CFAP61: variants seen among roughly 807,000 people sequenced by gnomAD.
CFAP61 encodes the protein cilia and flagella associated protein 61.
A neutral mutation model predicts 135.6 loss-of-function variants in CFAP61; 107 were observed. The observed-to-expected ratio is 0.79, with a 90% CI of 0.67 to 0.93. The LOEUF (loss-of-function observed/expected upper bound fraction) is 0.93, where lower values mean the gene tolerates loss of function less well. Among genes scored for constraint, CFAP61 ranks in the 40% least tolerant of loss-of-function variants. The pLI is 0.00. For synonymous variants in CFAP61, 575 were observed against 578.5 expected (o/e 0.99, Z 0.09); for missense variants, 1,507 against 1,556.2 (o/e 0.97, Z 0.53).
intron 17 of CFAP61, among the ~76,000 whole-genome samples, chr20:20,200,238 T>G (rs1013977195): frequency 3.3e-5 from 5 of 152,224 alleles, no homozygotes; most frequent in African/African-American, 1.2e-4. Context: ...GATTCCCCCT[T>G]TCAATGATGT....
At chr20:20,184,270 C>T (rs2055338275) in intron 13 of CFAP61, among the ~76,000 whole-genome samples, 1 of 152,168 alleles carries the variant, frequency 6.6e-6, no homozygotes, top group African/African-American at 2.4e-5. Flanking sequence ...GGGAAGCTCT[C>T]TGGCTATCTC....
At position 20,336,997 on chromosome 20, in the gene CFAP61, G is replaced by T. The variant is rs185715620; in HGVS notation, c.3423-4834G>T. Among the ~76,000 whole-genome samples, 5 of 152,322 alleles carry T rather than the reference G, an allele frequency of 3.3e-5. No homozygotes were observed. The East Asian group carries it at 9.6e-4, about 29-fold the overall frequency. On this transcript the variant is annotated intron_variant, in intron 25 of 26. Transcript: ENST00000245957. ...TGACACAGGCGTGAGGGCCATATTC[G>T]ATTCATGGCAAAGAATTGAACCCTA...
At chr20:20,213,648 T>C (rs2047827083) in intron 17 of CFAP61, among the ~76,000 whole-genome samples, 1 of 152,176 alleles carries the variant, frequency 6.6e-6, no homozygotes, top group African/African-American at 2.4e-5. Flanking sequence ...TTTAATATGC[T>C]CAAGAATAAG....
intron 20 of CFAP61, among the ~76,000 whole-genome samples, chr20:20,253,049 CCT>C (rs1285784969): frequency 6.6e-6 from 1 of 152,212 alleles, no homozygotes; most frequent in Non-Finnish European, 1.5e-5. Flanking sequence ...TAGAATAGCA[CCT>C]CTCAAACTGC....
chr20:20,235,440 C>T (rs1333878191), intron 18 of CFAP61, among the ~76,000 whole-genome samples: 4 of 152,186 alleles, frequency 2.6e-5, no homozygotes, highest in Non-Finnish European at 5.9e-5. Context: ...TCAGGCCCAG[C>T]AATGTGTGTC....
intron 18 of CFAP61, among the ~76,000 whole-genome samples, chr20:20,231,001 G>A (rs1250976669): frequency 6.6e-6 from 1 of 152,208 alleles, no homozygotes; most frequent in Non-Finnish European, 1.5e-5. Flanking sequence ...ACACAACTTT[G>A]TTCTTGTATT....
chr20:20,085,274 A>G lies in CFAP61; in HGVS notation c.567-5570A>G, dbSNP rs530177068. 5.1e-6 allele frequency: 5 copies of G among 985,336 alleles called. No homozygotes were observed. The African/African-American group carries it at 7.0e-5, about 14-fold the overall frequency. The allele number at this position is 985,336 out of a possible 1,614,324, so 61.0% of individuals were successfully genotyped here. On this transcript the variant is annotated intron_variant, in intron 6 of 26. Transcript: ENST00000245957. ...TCACGTTGAAACATTTGACTGCATG[A>G]GTTGTTTTCCATAGCTGGGGTGTTT...
rs184857121 is a variant in CFAP61 at position 20,125,716 on chromosome 20, T to A, written c.860-17141T>A. Reference sequence around the variant, plus strand: ...TAGTTGTTGGATGAAATGTTCTGTATGTATCTGTTAAGTCCATTTGTTCTA... The same window carrying A: ...TAGTTGTTGGATGAAATGTTCTGTAAGTATCTGTTAAGTCCATTTGTTCTA... On this transcript the variant is annotated intron_variant, in intron 8 of 26. Coordinates refer to ENST00000245957, the MANE Select transcript of CFAP61 (RefSeq NM_015585.4). Among the ~76,000 whole-genome samples, 110 of 152,016 alleles carry A rather than the reference T, an allele frequency of 7.2e-4. 7 individuals carry two copies. Among genetic ancestry groups the A allele is most frequent in the African/African-American group, 2.5e-3 (104 of 41,278 alleles).
chr20:20,284,299 ATTTTG>A (rs879506900), intron 22 of CFAP61, among the ~76,000 whole-genome samples: 5,120 of 19,146 alleles, frequency 0.27, 157 homozygotes, highest in Middle Eastern at 0.38. Context: ...ATTTTATTTT[ATTTTG>A]AGATGGAGTC....
intron 20 of CFAP61, chr20:20,253,237 CTTCCTTCCTTCTTTCT>C (rs2051143411): frequency 6.9e-6 from 1 of 144,384 alleles, no homozygotes; most frequent in Non-Finnish European, 1.5e-5. Flanking sequence ...TCTGTCCTTC[CTTCCTTCCTTCTTTCT>C]TTCCTTCCTT....
chr20:20,139,448 C>T lies in CFAP61; in HGVS notation c.860-3409C>T, dbSNP rs1416402632. On this transcript the variant is annotated intron_variant, in intron 8 of 26. Coordinates refer to ENST00000245957, the MANE Select transcript of CFAP61 (RefSeq NM_015585.4). ...AGAGTAAACCAATAGTTCATGACTT[C>T]TAAACTACTTAGATGGTATAAGCCA... Among the ~76,000 whole-genome samples, 3 of 152,230 alleles carry T rather than the reference C, an allele frequency of 2.0e-5. No individual in the cohort carries two copies. The South Asian group carries it at 6.2e-4, about 31-fold the overall frequency.
rs2043809611 is a variant in CFAP61, at chr20:20,052,593, TGGG to T, written c.-37+3_-37+5del. On this transcript the variant is annotated splice_donor_5th_base_variant and intron_variant, in intron 1 of 26. Transcript: ENST00000245957. ...CGGCGTCCTGGAGCTGCGGATGAGGTGGGTAACGCCGTGCTGACTAGCAGCGAC... is the reference window on the plus strand; with the variant it reads ...CGGCGTCCTGGAGCTGCGGATGAGGTTAACGCCGTGCTGACTAGCAGCGAC... 6.2e-7 allele frequency: 1 copy of T among 1,613,658 alleles called. No homozygotes were observed. Among genetic ancestry groups the T allele is most frequent in the Admixed American group, 1.7e-5 (1 of 59,984 alleles).
rs116380418 is a variant in CFAP61 at position 20,075,266 on chromosome 20, G to A, written c.439+10G>A. On this transcript the variant is annotated intron_variant, in intron 5 of 26. Transcript: ENST00000245957. ...TCCTACATGAGCCTAGGTAAGGCCC[G>A]CCCAACCACCTCTGGTCCCCGGTAG... 1,378 of 1,613,294 alleles carry A rather than the reference G, an allele frequency of 8.5e-4. 15 individuals are homozygous for A. The African/African-American group carries it at 0.015, about 17-fold the overall frequency.
intron 26 of CFAP61, among the ~76,000 whole-genome samples, chr20:20,355,894 T>C (rs1478340217): frequency 7.0e-6 from 1 of 142,320 alleles, no homozygotes; most frequent in Non-Finnish European, 1.5e-5. Flanking sequence ...GTGGTCACAC[T>C]GTGAGGGGAG....
intron 6 of CFAP61, among the ~76,000 whole-genome samples, chr20:20,079,727 CTTTCTT>C (rs1222310121): frequency 6.6e-6 from 1 of 152,092 alleles, no homozygotes; most frequent in African/African-American, 2.4e-5. Context: ...TCTTTCATTA[CTTTCTT>C]TTTATTAATA....
intron 22 of CFAP61, among the ~76,000 whole-genome samples, chr20:20,282,296 T>C (rs6046780): frequency 0.087 from 13,216 of 152,196 alleles, 619 homozygotes; most frequent in Middle Eastern, 0.12. Flanking sequence ...TATCTGTCAG[T>C]TTTCTCCTCT....
At chr20:20,104,740 T>A (rs2048257325) in intron 8 of CFAP61, among the ~76,000 whole-genome samples, 1 of 152,164 alleles carries the variant, frequency 6.6e-6, no homozygotes, top group Admixed American at 6.5e-5. Context: ...AGAAATTGAT[T>A]TTCTCACATT....
Position 20,219,868 on chromosome 20 carries a change from G to A in CFAP61, c.1933-8381G>A, listed in dbSNP as rs142895590. On this transcript the variant is annotated intron_variant, in intron 17 of 26. Coordinates refer to ENST00000245957, the MANE Select transcript of CFAP61 (RefSeq NM_015585.4). The stretch of plus-strand genomic sequence containing the variant: ...CCTGGTCAGAGCTCCTGAAACACTT[G>A]TACCTTCCTAAATGATAAAAGCAAC... Among the ~76,000 whole-genome samples, 1,054 of 152,210 alleles carry A rather than the reference G, an allele frequency of 6.9e-3. 4 individuals carry two copies. Among genetic ancestry groups the A allele is most frequent in the Admixed American group, 0.011 (170 of 15,292 alleles).
intron 24 of CFAP61, among the ~76,000 whole-genome samples, chr20:20,295,275 C>G (rs2055332143): frequency 6.6e-6 from 1 of 152,188 alleles, no homozygotes; most frequent in South Asian, 2.1e-4. Flanking sequence ...TTGGCAAAGT[C>G]AAGATTTGTT....
Sources: allele counts gnomAD v4.1 joint callset (sites outside exome capture counted in the v4.1 genomes callset), GRCh38; gene constraint gnomAD v4.1.1; transcripts MANE v1.5; gene names NCBI Gene and HGNC (gene_info 2026-07-23, HGNC 2026-07-21).